The following PMS1 variants were observed in gnomAD, a reference collection of about 807,000 sequenced individuals.
The protein encoded by PMS1 is PMS1 homolog 1, mismatch repair system component.
PMS1 carries 79 observed loss-of-function variants against 93.1 expected under a neutral mutation model. The observed-to-expected ratio is 0.85, with a 90% CI of 0.71 to 1.02. The LOEUF (loss-of-function observed/expected upper bound fraction) is 1.02, where lower values mean the gene tolerates loss of function less well. Ranked by LOEUF, PMS1 falls within the 50% of genes least tolerant of loss-of-function variation. The probability of loss-of-function intolerance (pLI) is 0.00; values close to 1 mark genes in which losing one functional copy is unlikely to be tolerated. For missense variants in PMS1, 1,064 were observed against 1,085.3 expected (o/e 0.98, Z 0.28); for synonymous variants, 335 against 363.4 (o/e 0.92, Z 0.89).
intron 4 of PMS1, among the ~76,000 whole-genome samples, chr2:189,815,527 A>G (rs2051219431): frequency 6.6e-6 from 1 of 152,138 alleles, no homozygotes; most frequent in Admixed American, 6.5e-5. Flanking sequence ...TTCCTCCTTC[A>G]TACACTCACA....
chr2:189,796,271 T>C (rs1195115924), intron 3 of PMS1, among the ~76,000 whole-genome samples: 1 of 152,040 alleles, frequency 6.6e-6, no homozygotes, highest in African/African-American at 2.4e-5. Flanking sequence ...GGCAGGAGAA[T>C]TGCTTGAACC....
In PMS1 at chr2:189,867,800, C is replaced by A; in HGVS notation, c.2344C>A (p.Leu782Ile). The change falls in exon 11 of 13, where the codon CTT (leucine) becomes ATT (isoleucine). Residue 782 changes from leucine to isoleucine, a missense_variant and splice_region_variant. By Grantham distance (5) the Leu-to-Ile change is conservative. Transcript: ENST00000441310. ...AAAGGGCCATAATTTCTTTTTCAGT[C>A]TTTTTAATGGATCTCATTATTTAGA... Reference protein sequence around the residue: ...LEKPIMLTESLFNGSHYLDVL... With the variant: ...LEKPIMLTESIFNGSHYLDVL... The A allele has an allele frequency of 6.4e-7, 1 of 1,572,094 alleles. No homozygotes were observed. The highest frequency in any genetic ancestry group is 1.1e-5 in the South Asian group (1 of 90,150).
intron 5 of PMS1, among the ~76,000 whole-genome samples, chr2:189,820,090 A>C (rs1358156504): frequency 6.6e-6 from 1 of 152,238 alleles, no homozygotes; most frequent in Non-Finnish European, 1.5e-5. Flanking sequence ...GGGCCTACAC[A>C]ATGCCAGGAC....
intron 3 of PMS1, among the ~76,000 whole-genome samples, chr2:189,797,107 C>T (rs2049428492): frequency 1.3e-5 from 2 of 152,116 alleles, no homozygotes; most frequent in Admixed American, 1.3e-4. Flanking sequence ...CCATGAAATT[C>T]TTTTATTGAG....
At chr2:189,828,838 T>A (rs2052668573) in intron 5 of PMS1, among the ~76,000 whole-genome samples, 1 of 150,128 alleles carries the variant, frequency 6.7e-6, no homozygotes, top group South Asian at 2.1e-4. Context: ...GTTCACTGAT[T>A]GGTAAACAGT....
At position 189,834,528 on chromosome 2, in the gene PMS1, C is replaced by T. The variant is rs5743086; in HGVS notation, c.583-9436C>T. 4.2e-3 allele frequency among the ~76,000 whole-genome samples: 645 copies of T among 152,134 alleles called. 2 individuals carry two copies. The highest frequency in any genetic ancestry group is 0.014 in the African/African-American group (573 of 41,498). ...TTGTTAAGAATGTGGAAAATGATCT[C>T]GTTGTCTGGCAAGTTACACAAGGAA... On this transcript the variant is annotated intron_variant, in intron 5 of 12. Coordinates refer to ENST00000441310, the MANE Select transcript of PMS1 (RefSeq NM_000534.5).
At chr2:189,863,597 T>C in intron 9 of PMS1, 146 bp from the exon 10 acceptor site, 2 of 648,432 alleles carry the variant, frequency 3.1e-6, no homozygotes, top group East Asian at 2.7e-5. Context: ...TTGTCATAGT[T>C]ATATGCAGGA....
Position 189,855,060 on chromosome 2 carries a change from T to C in PMS1, c.1788T>C (p.Thr596=). The C allele has an allele frequency of 6.2e-7, 1 of 1,613,028 alleles. No homozygotes were observed. The highest frequency in any genetic ancestry group is 8.5e-7 in the Non-Finnish European group (1 of 1,179,098). The stretch of plus-strand genomic sequence containing the variant: ...AGTTTCTCATAGAAAATCCTAAGAC[T>C]AGTTTAGAGGATGCAACACTACAAA... ...RPQFLIENPK[T]SLEDATLQIE... is the part of the protein sequence containing the mutation. The change falls in exon 9 of 13, where the codon ACT becomes ACC. Residue 596 remains threonine, a synonymous_variant. Transcript: ENST00000441310.
chr2:189,869,350 G>A (rs996367357), intron 11 of PMS1, among the ~76,000 whole-genome samples: 3 of 152,200 alleles, frequency 2.0e-5, no homozygotes, highest in African/African-American at 7.2e-5. Context: ...GCAGTCATCT[G>A]TTTTAGTCTT....
intron 5 of PMS1, among the ~76,000 whole-genome samples, chr2:189,827,706 T>A (rs1430293319): frequency 6.6e-6 from 1 of 151,980 alleles, no homozygotes; most frequent in African/African-American, 2.4e-5. Context: ...ATATGGATGA[T>A]CTCGGAGGAC....
intron 12 of PMS1, among the ~76,000 whole-genome samples, chr2:189,875,955 CAAA>C (rs561168809): frequency 2.2e-4 from 10 of 46,188 alleles, no homozygotes; most frequent in African/African-American, 4.9e-4. Context: ...GACTCTGTCT[CAAA>C]AAAAAAAAAA....
intron 5 of PMS1, among the ~76,000 whole-genome samples, chr2:189,821,753 G>A (rs1258865376): frequency 6.6e-6 from 1 of 151,994 alleles, no homozygotes; most frequent in Non-Finnish European, 1.5e-5. Flanking sequence ...AGGTTGCAGT[G>A]AGCCGAGATC....
intron 4 of PMS1, among the ~76,000 whole-genome samples, chr2:189,815,006 G>A (rs1364328845): frequency 6.6e-6 from 1 of 151,850 alleles, no homozygotes; most frequent in Admixed American, 6.6e-5. Flanking sequence ...ATCTGAAGCA[G>A]GAGAATGGCA....
At chr2:189,832,662 T>C (rs1244545159) in intron 5 of PMS1, among the ~76,000 whole-genome samples, 2 of 152,166 alleles carry the variant, frequency 1.3e-5, no homozygotes, top group Non-Finnish European at 2.9e-5. Flanking sequence ...AGACCGGGTT[T>C]CACTGTATTA....
Position 189,855,102 on chromosome 2 carries a change from G to C in PMS1, c.1830G>C (p.Lys610Asn), listed in dbSNP as rs751603605. ...DATLQIEELW[K>N]TLSEEEKLKY... The stretch of plus-strand genomic sequence containing the variant: ...CACTACAAATTGAAGAACTGTGGAA[G>C]ACATTGAGTGAAGAGGAAAAACTGA... Residue 610 changes from lysine (K) to asparagine (N), a missense_variant, in exon 9 of 13, where the codon AAG becomes AAC. Lys to Asn is a moderately conservative substitution (Grantham distance 94). Coordinates refer to ENST00000441310, the MANE Select transcript of PMS1 (RefSeq NM_000534.5). 7 of 1,613,364 alleles carry C rather than the reference G, an allele frequency of 4.3e-6. No individual in the cohort carries two copies. Among genetic ancestry groups the C allele is most frequent in the Non-Finnish European group, 5.1e-6 (6 of 1,179,524 alleles).
chr2:189,826,400 T>C (rs1167160263), intron 5 of PMS1, among the ~76,000 whole-genome samples: 3 of 152,152 alleles, frequency 2.0e-5, no homozygotes, highest in African/African-American at 7.2e-5. Flanking sequence ...TTTTCAGATA[T>C]ATTTTAAGAT....
chr2:189,806,268 G>A (rs1014802684), intron 4 of PMS1: 2 of 243,790 alleles, frequency 8.2e-6, no homozygotes, highest in South Asian at 9.2e-5. Flanking sequence ...TAATACCCTC[G>A]CCCATTTCTT....
intron 1 of PMS1, among the ~76,000 whole-genome samples, chr2:189,790,992 A>G (rs2048812990): frequency 6.6e-6 from 1 of 152,180 alleles, no homozygotes; most frequent in Non-Finnish European, 1.5e-5. Context: ...AGTTTGCAAG[A>G]AAAGTCAGAA....
rs1471683717 is a variant in PMS1, at chr2:189,863,919, T to C, written c.2033T>C (p.Leu678Pro). 2 of 1,613,108 alleles carry C rather than the reference T, an allele frequency of 1.2e-6. No individual in the cohort carries two copies. Among genetic ancestry groups the C allele is most frequent in the Admixed American group, 1.7e-5 (1 of 60,002 alleles). ...ACCTCATTATCTAATCAACCAAAACTTGATGAACTCCTTCAGTCCCAAATT... is the reference window on the plus strand; with the variant it reads ...ACCTCATTATCTAATCAACCAAAACCTGATGAACTCCTTCAGTCCCAAATT... ...LKTSLSNQPKLDELLQSQIEK... is the reference protein window; with the variant it reads ...LKTSLSNQPKPDELLQSQIEK... Residue 678 changes from leucine to proline, a missense_variant, in exon 10 of 13, where the codon CTT becomes CCT. Coordinates refer to ENST00000441310, the MANE Select transcript of PMS1 (RefSeq NM_000534.5).
Sources: allele counts gnomAD v4.1 joint callset (sites outside exome capture counted in the v4.1 genomes callset), GRCh38; gene constraint gnomAD v4.1.1; transcripts MANE v1.5; gene names NCBI Gene and HGNC (gene_info 2026-07-23, HGNC 2026-07-21).